Variants in OPHN1 observed in about 807,000 individuals in gnomAD.
The protein encoded by OPHN1 is oligophrenin-1.
A neutral mutation model predicts 60.7 loss-of-function variants in OPHN1; 11 were observed. The observed-to-expected ratio is 0.18, with a 90% CI of 0.11 to 0.30. OPHN1 has a LOEUF of 0.30. OPHN1 is among the 10% of genes least tolerant of loss of function. OPHN1 has a pLI of 1.00. For synonymous variants in OPHN1, 226 were observed against 222.6 expected (o/e 1.02, Z -0.14); for missense variants, 449 against 611.0 (o/e 0.73, Z 2.80).
At chrX:68,171,742 TAAA>T (rs60388555) in intron 15 of OPHN1, among the ~76,000 whole-genome samples, 2 of 95,978 alleles carry the variant, frequency 2.1e-5, no homozygotes, top group African/African-American at 7.5e-5. Flanking sequence ...ATCTCAAAAA[TAAA>T]AAAAAAAGAA....
chrX:68,076,439 G>T (rs1435078253), intron 19 of OPHN1, among the ~76,000 whole-genome samples: 1 of 108,523 alleles, frequency 9.2e-6, no homozygotes, highest in Non-Finnish European at 1.9e-5. Flanking sequence ...CATCTGAATA[G>T]TCCTATAACC....
intron 6 of OPHN1, among the ~76,000 whole-genome samples, chrX:68,228,477 A>G (rs2077709175): frequency 1.8e-5 from 2 of 111,908 alleles, no homozygotes; most frequent in Admixed American, 9.5e-5. Flanking sequence ...ATTTTAGACC[A>G]ATATCCCTGA....
chrX:68,315,287 G>A (rs1377624488), intron 2 of OPHN1, among the ~76,000 whole-genome samples: 1 of 109,536 alleles, frequency 9.1e-6, no homozygotes, highest in Non-Finnish European at 1.9e-5. Context: ...GGGAGAAGGA[G>A]GTAGGGAGGG....
At chrX:68,423,831 T>C (rs1023342313) in intron 2 of OPHN1, among the ~76,000 whole-genome samples, 8 of 111,838 alleles carry the variant, frequency 7.2e-5, no homozygotes, top group African/African-American at 2.6e-4. Context: ...TTTCAGTTGA[T>C]GGACATTTAG....
At chrX:68,120,088 T>C (rs1205989245) in intron 15 of OPHN1, among the ~76,000 whole-genome samples, 3 of 111,390 alleles carry the variant, frequency 2.7e-5, no homozygotes, top group African/African-American at 9.8e-5. Context: ...AAAAAATTCC[T>C]GAGAAGAACT....
At chrX:68,422,692 AGAAG>A (rs2078833329) in intron 2 of OPHN1, among the ~76,000 whole-genome samples, 1 of 92,434 alleles carries the variant, frequency 1.1e-5, no homozygotes, top group African/African-American at 4.3e-5. Context: ...AGAAAGAGAA[AGAAG>A]GAAAGAGAGA....
Position 68,070,402 on chromosome X carries a change from A to G in OPHN1, c.1834+2750T>C, listed in dbSNP as rs191544328. On this transcript the variant is annotated intron_variant, in intron 20 of 24. Transcript: ENST00000355520. ...ACTGTTTAAGGGTTCCTGGCACTGCATCTCTTGGCCACTAGCTGAATCTTG... is the reference window on the plus strand; with the variant it reads ...ACTGTTTAAGGGTTCCTGGCACTGCGTCTCTTGGCCACTAGCTGAATCTTG... 174 of 512,249 alleles carry G rather than the reference A, an allele frequency of 3.4e-4. No individual in the cohort carries two copies. The African/African-American group carries it at 3.7e-3, about 11-fold the overall frequency. 42.2% of individuals were successfully genotyped at this position (512,249 alleles called of 1,213,427 possible). A position where few individuals can be genotyped will look rare whatever the true frequency, so the allele number is the denominator to read the frequency against.
At chrX:68,226,541 A>G (rs2077693898) in intron 6 of OPHN1, among the ~76,000 whole-genome samples, 1 of 111,882 alleles carries the variant, frequency 8.9e-6, no homozygotes, top group African/African-American at 3.2e-5. Flanking sequence ...CTCGGCAGAA[A>G]CTCTACAAGC....
intron 19 of OPHN1, among the ~76,000 whole-genome samples, chrX:68,074,878 G>T (rs2076947987): frequency 9.0e-6 from 1 of 111,124 alleles, no homozygotes; most frequent in South Asian, 3.9e-4. Context: ...AAATACATTT[G>T]CAATTCTAAT....
chrX:68,208,012 T>C (rs1251160662), intron 9 of OPHN1, among the ~76,000 whole-genome samples: 2 of 110,490 alleles, frequency 1.8e-5, no homozygotes, highest in African/African-American at 6.6e-5. Flanking sequence ...CTCTCTTTCT[T>C]TCTTTCCTTT....
chrX:68,071,349 A>G (rs1435505734), intron 20 of OPHN1: 1 of 729,295 alleles, frequency 1.4e-6, no homozygotes, highest in Non-Finnish European at 2.2e-6. Context: ...TGGCGGGCTC[A>G]CTTTAACCTT....
At chrX:68,329,443 C>T (rs1207728467) in intron 2 of OPHN1, among the ~76,000 whole-genome samples, 8 of 112,067 alleles carry the variant, frequency 7.1e-5, no homozygotes, top group Non-Finnish European at 1.5e-4. Context: ...CCTACATGCC[C>T]ATTTATAAGT....
chrX:68,124,841 T>G (rs967060875), intron 15 of OPHN1, among the ~76,000 whole-genome samples: 3 of 110,836 alleles, frequency 2.7e-5, no homozygotes, highest in Non-Finnish European at 5.7e-5. Flanking sequence ...AGAGACAGGG[T>G]TTCACTATGT....
chrX:68,385,271 T>C (rs1047290658), intron 2 of OPHN1, among the ~76,000 whole-genome samples: 1 of 110,833 alleles, frequency 9.0e-6, no homozygotes, highest in African/African-American at 3.3e-5. Flanking sequence ...GTACTACTCC[T>C]GGGGGGCATC....
intron 15 of OPHN1, among the ~76,000 whole-genome samples, chrX:68,139,973 C>T (rs894074260): frequency 6.2e-5 from 7 of 112,474 alleles, no homozygotes; most frequent in Non-Finnish European, 1.3e-4. Context: ...GTGGAATCTT[C>T]CCTGGAGCTG....
At chrX:68,403,274 T>C (rs1284134164) in intron 2 of OPHN1, among the ~76,000 whole-genome samples, 1 of 111,446 alleles carries the variant, frequency 9.0e-6, no homozygotes, top group African/African-American at 3.3e-5. Flanking sequence ...ACCATTAGCC[T>C]CAGAGCCCAG....
chrX:68,123,474 T>C (rs1028185858), intron 15 of OPHN1, among the ~76,000 whole-genome samples: 4 of 111,822 alleles, frequency 3.6e-5, no homozygotes, highest in African/African-American at 1.3e-4. Context: ...CACTCTTAAG[T>C]AGAAAGACTA....
chrX:68,133,293 T>C, intron 15 of OPHN1: 1 of 619,354 alleles, frequency 1.6e-6, no homozygotes. Context: ...CGTGAGTGTG[T>C]CTTAGACTAT....
At chrX:68,422,948 G>A (rs1173220871) in intron 2 of OPHN1, among the ~76,000 whole-genome samples, 1 of 112,127 alleles carries the variant, frequency 8.9e-6, no homozygotes, top group Non-Finnish European at 1.9e-5. Flanking sequence ...CTAGGTCTCT[G>A]GAGAAGTAAC....
Sources: allele counts gnomAD v4.1 joint callset (sites outside exome capture counted in the v4.1 genomes callset), GRCh38; gene constraint gnomAD v4.1.1; transcripts MANE v1.5; gene names NCBI Gene and HGNC (gene_info 2026-07-23, HGNC 2026-07-21).